PHTF1: variants seen among roughly 807,000 people sequenced by gnomAD.
PHTF1 encodes the protein protein PHTF1.
In PHTF1, 88 loss-of-function variants were observed where a neutral mutation model predicts 102.4. The ratio of observed to expected loss-of-function variants is 0.86; its 90% CI spans 0.72 to 1.03. The LOEUF is 1.03. Ranked by LOEUF, PHTF1 falls within the 50% of genes least tolerant of loss-of-function variation. PHTF1 has a pLI of 0.00. For synonymous variants in PHTF1, 289 were observed against 305.2 expected (o/e 0.95, Z 0.55); for missense variants, 814 against 909.5 (o/e 0.89, Z 1.35).
chr1:113,718,799 G>C (rs964205072), intron 7 of PHTF1, among the ~76,000 whole-genome samples: 10 of 152,194 alleles, frequency 6.6e-5, no homozygotes, highest in Non-Finnish European at 1.2e-4. Context: ...ACACAGCATG[G>C]GGACCCTGGG....
intron 5 of PHTF1, among the ~76,000 whole-genome samples, chr1:113,727,361 G>A (rs889501223): frequency 6.6e-6 from 1 of 152,098 alleles, no homozygotes; most frequent in Admixed American, 6.5e-5. Context: ...AAGGAGTTTT[G>A]TCTGATTTGT....
intron 7 of PHTF1, among the ~76,000 whole-genome samples, chr1:113,722,190 G>A (rs755191715): frequency 1.1e-4 from 16 of 151,406 alleles, no homozygotes; most frequent in Non-Finnish European, 2.1e-4. Context: ...AGTGGGTCAC[G>A]CCTGTAATCC....
intron 15 of PHTF1, among the ~76,000 whole-genome samples, chr1:113,702,582 C>T (rs1035877739): frequency 1.3e-5 from 2 of 151,826 alleles, no homozygotes; most frequent in African/African-American, 4.8e-5. Flanking sequence ...CCAGACTCCA[C>T]TTCTATGAAA....
At chr1:113,717,714 C>G (rs1221897037) in intron 7 of PHTF1, among the ~76,000 whole-genome samples, 1 of 151,984 alleles carries the variant, frequency 6.6e-6, no homozygotes, top group Non-Finnish European at 1.5e-5. Flanking sequence ...TGGTGGCGGG[C>G]AAGAGAAAAT....
chr1:113,753,809 G>A (rs1658451018), intron 3 of PHTF1, among the ~76,000 whole-genome samples: 1 of 151,450 alleles, frequency 6.6e-6, no homozygotes. Flanking sequence ...TGAGTAGCTG[G>A]GACCACAGGC....
chr1:113,719,062 G>A (rs767864757), intron 7 of PHTF1, among the ~76,000 whole-genome samples: 5 of 151,660 alleles, frequency 3.3e-5, no homozygotes, highest in Admixed American at 6.6e-5. Context: ...GTGCAGTGGC[G>A]TGATCTCAGC....
At chr1:113,749,985 GGTTTT>G (rs1166024180) in intron 3 of PHTF1, among the ~76,000 whole-genome samples, 8 of 151,636 alleles carry the variant, frequency 5.3e-5, no homozygotes, top group Non-Finnish European at 1.0e-4. Flanking sequence ...CCATTTTTTG[GGTTTT>G]GTTTTGTTTT....
At chr1:113,721,287 T>C (rs1465487064) in intron 7 of PHTF1, among the ~76,000 whole-genome samples, 1 of 152,202 alleles carries the variant, frequency 6.6e-6, no homozygotes, top group African/African-American at 2.4e-5. Flanking sequence ...TGAAAAAGCA[T>C]TTGATAACAT....
chr1:113,757,006 A>G (rs1016837153), intron 3 of PHTF1, among the ~76,000 whole-genome samples: 2 of 152,118 alleles, frequency 1.3e-5, no homozygotes, highest in African/African-American at 4.8e-5. Context: ...TCTCTACTAA[A>G]AATACAAAAA....
chr1:113,710,408 G>T lies in PHTF1; in HGVS notation c.1115C>A (p.Thr372Asn), dbSNP rs1356253067. 2 of 1,613,956 alleles carry T rather than the reference G, an allele frequency of 1.2e-6. No individual in the cohort carries two copies. Among genetic ancestry groups the T allele is most frequent in the Non-Finnish European group, 1.7e-6 (2 of 1,179,998 alleles). The change falls in exon 11 of 19, where the codon ACC (threonine) becomes AAC (asparagine). Residue 372 changes from threonine to asparagine, a missense_variant. Coordinates refer to ENST00000369604, the MANE Select transcript of PHTF1 (RefSeq NM_001323043.2). ...GTCCTCAGTCTCCGAGTCATGGCGG[G>T]TGCTTTCTGAGTCTCTTCTTGACAT... ...LNMSRRDSES[T>N]RHDSETEDML... is the part of the protein sequence containing the mutation.
At chr1:113,758,942 G>T (rs6695952) in intron 1 of PHTF1, 81 bp downstream of exon 1, 22,059 of 1,162,200 alleles carry the variant, frequency 0.019, 271 homozygotes, top group Non-Finnish European at 0.022. Context: ...GAGCGTGTTC[G>T]TGGGTGCGGG....
rs1417429784 is a variant in PHTF1 at position 113,730,962 on chromosome 1, G to A, written c.332-4388C>T. 2.0e-5 allele frequency among the ~76,000 whole-genome samples: 3 copies of A among 152,306 alleles called. No individual in the cohort carries two copies. The East Asian group carries it at 5.8e-4, about 29-fold the overall frequency. ...CTGCTTATATGATGTTCCCAGAGTAGTCAAAATCATAGAGGCAAGGTAGAA... is the reference window on the plus strand; with the variant it reads ...CTGCTTATATGATGTTCCCAGAGTAATCAAAATCATAGAGGCAAGGTAGAA... On this transcript the variant is annotated intron_variant, in intron 5 of 18. Transcript: ENST00000369604.
chr1:113,738,352 T>C (rs547993218), intron 4 of PHTF1, 84 bp from the exon 5 acceptor site: 2 of 1,020,968 alleles, frequency 2.0e-6, no homozygotes, highest in Admixed American at 2.4e-5. Flanking sequence ...TAAAAATAGG[T>C]GAGTGCAAAA....
intron 3 of PHTF1, among the ~76,000 whole-genome samples, chr1:113,755,010 T>C (rs1658634903): frequency 6.6e-6 from 1 of 152,260 alleles, no homozygotes; most frequent in Middle Eastern, 3.4e-3. Flanking sequence ...GTTCAATAAA[T>C]GCTTATTGAA....
chr1:113,757,024 G>A (rs564052112), intron 3 of PHTF1, among the ~76,000 whole-genome samples: 6 of 152,162 alleles, frequency 3.9e-5, no homozygotes, highest in South Asian at 4.1e-4. Context: ...AAAATTAGCC[G>A]GGCGTGGTGG....
chr1:113,757,021 G>C (rs1361786423), intron 3 of PHTF1, among the ~76,000 whole-genome samples: 1 of 152,126 alleles, frequency 6.6e-6, no homozygotes, highest in African/African-American at 2.4e-5. Flanking sequence ...CAAAAAATTA[G>C]CCGGGCGTGG....
Position 113,712,060 on chromosome 1 carries a change from T to C in PHTF1, c.837A>G (p.Glu279=). ...NGVSDDLSSE[E]DGEARTQMIL... ...TCATCTGTGTCCGTGCTTCACCATC[T>C]TCTTCACTTGACAGGTCATCAGACA... Residue 279 remains glutamate, a synonymous_variant, in exon 9 of 19, where the codon GAA becomes GAG. Transcript: ENST00000369604. 1 of 1,614,100 alleles carries C rather than the reference T, an allele frequency of 6.2e-7. No homozygotes were observed. Among genetic ancestry groups the C allele is most frequent in the Non-Finnish European group, 8.5e-7 (1 of 1,179,954 alleles).
chr1:113,756,500 C>G (rs1658899871), intron 3 of PHTF1, among the ~76,000 whole-genome samples: 1 of 152,174 alleles, frequency 6.6e-6, no homozygotes, highest in South Asian at 2.1e-4. Context: ...TGGCATTTAT[C>G]AGCACTTTGC....
At position 113,706,725 on chromosome 1, in the gene PHTF1, G is replaced by A. The variant is rs753060074; in HGVS notation, c.1270-3C>T. 3.1e-6 allele frequency: 5 copies of A among 1,594,988 alleles called. No homozygotes were observed. The highest frequency in any genetic ancestry group is 4.3e-6 in the Non-Finnish European group (5 of 1,171,050). On this transcript the variant is annotated splice_region_variant and splice_polypyrimidine_tract_variant and intron_variant, in intron 11 of 18. Transcript: ENST00000369604. The stretch of plus-strand genomic sequence containing the variant: ...TTCTGAAGCCAGAATAAATGATTCT[G>A]AGAAGAAAAATATAAAATTGTTTCT...
Sources: gnomAD v4.1 joint callset for allele counts (sites outside exome capture counted in the v4.1 genomes callset) on GRCh38, gnomAD v4.1.1 for gene constraint, MANE v1.5 for transcripts, NCBI Gene and HGNC (gene_info 2026-07-23, HGNC 2026-07-21) for gene names.